Variants in TJP2 observed in about 807,000 individuals in gnomAD.
The protein encoded by TJP2 is Friedreich ataxia region gene X104 (tight junction protein ZO-2).
Under a neutral mutation model 133.1 loss-of-function variants are expected in TJP2, and 91 were observed. The observed-to-expected ratio is 0.68, with a 90% CI of 0.58 to 0.81. The LOEUF is 0.81. Ranked by LOEUF, TJP2 falls within the 40% of genes least tolerant of loss-of-function variation. TJP2 has a pLI of 0.00. For synonymous variants in TJP2, 592 were observed against 583.4 expected, an observed-to-expected ratio of 1.01 and a Z score of -0.21; for missense variants, 1,541 against 1,565.6, an observed-to-expected ratio of 0.98 and a Z score of 0.26.
chr9:69,205,589 A>C (rs1827337341), intron 1 of TJP2, among the ~76,000 whole-genome samples: 1 of 152,066 alleles, frequency 6.6e-6, no homozygotes, highest in Non-Finnish European at 1.5e-5. Flanking sequence ...TTGGGATAAA[A>C]CTTTTTGCTT....
At chr9:69,229,323 G>C in intron 10 of TJP2, 73 bp downstream of exon 10, 9 of 1,512,166 alleles carry the variant, frequency 6.0e-6, no homozygotes, top group Non-Finnish European at 7.4e-6. Flanking sequence ...ATCCAGAAGA[G>C]TGGTGGTTTT....
At chr9:69,123,011 C>T (rs1822215683) in intron 1 of TJP2, among the ~76,000 whole-genome samples, 1 of 152,122 alleles carries the variant, frequency 6.6e-6, no homozygotes, top group African/African-American at 2.4e-5. Context: ...CATTACCTGT[C>T]GACCTTTTGA....
At chr9:69,181,526 G>T (rs1036569661) in intron 1 of TJP2, among the ~76,000 whole-genome samples, 1 of 152,104 alleles carries the variant, frequency 6.6e-6, no homozygotes, top group Non-Finnish European at 1.5e-5. Flanking sequence ...GGGATTATAG[G>T]CATGAGCCAC....
intron 1 of TJP2, among the ~76,000 whole-genome samples, chr9:69,133,546 CTTTTTTT>C (rs10577570): frequency 0.45 from 46,771 of 104,874 alleles, 8,733 homozygotes; most frequent in East Asian, 0.62. Flanking sequence ...ATTTTTCTGG[CTTTTTTT>C]TTTTTTTTTT....
intron 2 of TJP2, among the ~76,000 whole-genome samples, chr9:69,168,433 G>A (rs1824475112): frequency 6.6e-6 from 1 of 152,008 alleles, no homozygotes; most frequent in Non-Finnish European, 1.5e-5. Context: ...TAGGATCTGG[G>A]AAGTGTACAA....
At chr9:69,207,935 T>TTTG (rs1332233468) in intron 1 of TJP2, among the ~76,000 whole-genome samples, 2 of 152,214 alleles carry the variant, frequency 1.3e-5, no homozygotes, top group Non-Finnish European at 2.9e-5. Flanking sequence ...AGACACTCAG[T>TTTG]AGTTTGCTCT....
intron 2 of TJP2, among the ~76,000 whole-genome samples, chr9:69,157,159 T>G (rs1233239477): frequency 6.6e-6 from 1 of 152,180 alleles, no homozygotes; most frequent in African/African-American, 2.4e-5. Context: ...CAGGGGCCCT[T>G]CAAATTTTAT....
intron 1 of TJP2, chr9:69,151,572 G>A: frequency 8.2e-7 from 1 of 1,226,586 alleles, no homozygotes; most frequent in Non-Finnish European, 1.0e-6. Context: ...TATGGTATGT[G>A]GACTTCAGTG....
At chr9:69,187,684 C>T (rs998441097) in intron 1 of TJP2, among the ~76,000 whole-genome samples, 1 of 152,190 alleles carries the variant, frequency 6.6e-6, no homozygotes, top group Non-Finnish European at 1.5e-5. Context: ...AACCCACTGG[C>T]CTGGATTCCA....
chr9:69,164,086 T>A (rs1257954270), intron 2 of TJP2, among the ~76,000 whole-genome samples: 2 of 152,194 alleles, frequency 1.3e-5, no homozygotes, highest in East Asian at 3.8e-4. Context: ...AGCCACGTTT[T>A]CAATTTTTAT....
chr9:69,218,283 A>G lies in TJP2; in HGVS notation c.266A>G (p.Asn89Ser), dbSNP rs1394074553. The change falls in exon 4 of 23, where the codon AAT becomes AGT. Residue 89 changes from asparagine (N) to serine (S), a missense_variant. Physicochemically the swap from Asn to Ser is conservative, Grantham distance 46. Coordinates refer to ENST00000377245, the MANE Select transcript of TJP2 (RefSeq NM_004817.4). Reference sequence around the variant, plus strand: ...GAAAATGACAGAGTGGTCATGGTCAATGGCACCCCCATGGAGGATGTGCTT... The same window carrying G: ...GAAAATGACAGAGTGGTCATGGTCAGTGGCACCCCCATGGAGGATGTGCTT... ...LQENDRVVMV[N>S]GTPMEDVLHS... is the part of the protein sequence containing the mutation. 3.7e-6 allele frequency: 6 copies of G among 1,614,162 alleles called. No individual in the cohort carries two copies. In the East Asian group the frequency reaches 6.7e-5, roughly 18 times the overall value.
intron 1 of TJP2, among the ~76,000 whole-genome samples, chr9:69,185,325 G>A (rs1385644969): frequency 6.6e-6 from 1 of 152,196 alleles, no homozygotes; most frequent in African/African-American, 2.4e-5. Flanking sequence ...GCCTCCCAAA[G>A]TGCTGGGATT....
Position 69,246,804 on chromosome 9 carries a change from A to T in TJP2, c.2667+14A>T. The T allele has an allele frequency of 6.2e-7, 1 of 1,607,932 alleles. No individual in the cohort carries two copies. Among genetic ancestry groups the T allele is most frequent in the Non-Finnish European group, 8.5e-7 (1 of 1,174,346 alleles). On this transcript the variant is annotated intron_variant, in intron 18 of 22. Transcript: ENST00000377245. The stretch of plus-strand genomic sequence containing the variant: ...TCTGAAGGAAAGGTATGTGGCATAG[A>T]TATGCTGCTATGAGGTGAGAGTCCC...
chr9:69,213,576 A>G (rs1828107915), intron 2 of TJP2, among the ~76,000 whole-genome samples: 1 of 152,206 alleles, frequency 6.6e-6, no homozygotes, highest in Non-Finnish European at 1.5e-5. Context: ...ACATTCCCGA[A>G]TTTAATGTTT....
At position 69,251,076 on chromosome 9, in the gene TJP2, A is replaced by T. The variant is rs760275789; in HGVS notation, c.3033A>T (p.Lys1011Asn). The change falls in exon 21 of 23, where the codon AAA becomes AAT. Residue 1011 changes from lysine (K) to asparagine (N), a missense_variant. Coordinates refer to ENST00000377245, the MANE Select transcript of TJP2 (RefSeq NM_004817.4). The part of the protein sequence containing the change: ...QNKEESYDFS[K>N]SYEYKSNPSA... The stretch of plus-strand genomic sequence containing the variant: ...AAGAAGAATCCTATGACTTCTCCAA[A>T]TCCTATGAATATAAGTCAAACCCCT... 21 of 1,614,168 alleles carry T rather than the reference A, an allele frequency of 1.3e-5. 1 individual carries two copies. The South Asian group carries it at 2.2e-4, about 17-fold the overall frequency.
intron 2 of TJP2, among the ~76,000 whole-genome samples, chr9:69,166,378 C>T (rs901758393): frequency 1.3e-5 from 2 of 152,018 alleles, no homozygotes; most frequent in African/African-American, 2.4e-5. Context: ...GCTGGGATTA[C>T]AGGCGTGAGC....
chr9:69,253,249 A>G (rs1298108772), intron 22 of TJP2: 3 of 324,384 alleles, frequency 9.2e-6, no homozygotes, highest in Admixed American at 4.4e-5. Context: ...CTCTCAGCCA[A>G]ACTTCTTAAT....
intron 1 of TJP2, chr9:69,122,250 G>C (rs1822177774): frequency 6.6e-6 from 1 of 152,326 alleles, no homozygotes; most frequent in Non-Finnish European, 1.5e-5. Flanking sequence ...GCATCGGGTG[G>C]GGGCAGGAGC....
intron 1 of TJP2, among the ~76,000 whole-genome samples, chr9:69,132,715 T>C (rs1392585781): frequency 6.6e-6 from 1 of 152,192 alleles, no homozygotes; most frequent in Non-Finnish European, 1.5e-5. Context: ...TCTGCTCTCA[T>C]GAGACCCACT....
Sources: gnomAD v4.1 joint callset for allele counts (sites outside exome capture counted in the v4.1 genomes callset) on GRCh38, gnomAD v4.1.1 for gene constraint, MANE v1.5 for transcripts, NCBI Gene and HGNC (gene_info 2026-07-23, HGNC 2026-07-21) for gene names.